Variants in FHIT observed in about 807,000 individuals in gnomAD.
FHIT encodes bis(5'-adenosyl)-triphosphatase.
FHIT carries 19 observed loss-of-function variants against 17.9 expected under a neutral mutation model. The ratio of observed to expected loss-of-function variants is 1.06; its 90% CI spans 0.74 to 1.56. The LOEUF is 1.56. Ranked by LOEUF, FHIT falls within the 40% of genes most tolerant of loss-of-function variation. FHIT has a pLI of 0.00. For synonymous variants in FHIT, 81 were observed against 69.7 expected (o/e 1.16, Z -0.81); for missense variants, 248 against 189.2 (o/e 1.31, Z -1.82).
At position 61,036,399 on chromosome 3, in the gene FHIT, A is replaced by G. The variant is rs144216326; in HGVS notation, c.-111+5648T>C. ...TCAACATGAGATTTGAGGAGACAAA[A>G]CATCCAAACTATATCACTAACCGAG... On this transcript the variant is annotated intron_variant, in intron 3 of 9. Transcript: ENST00000492590. Among the ~76,000 whole-genome samples the G allele has an allele frequency of 3.3e-4, 50 of 152,216 alleles. No individual in the cohort carries two copies. The East Asian group carries it at 9.7e-3, about 29-fold the overall frequency.
chr3:60,587,568 G>A (rs7640288), intron 4 of FHIT, among the ~76,000 whole-genome samples: 11 of 151,856 alleles, frequency 7.2e-5, no homozygotes, highest in Admixed American at 7.2e-4. Flanking sequence ...ATATTCACCG[G>A]GATAAAGAAA....
chr3:59,951,527 GCCTCAGCTA>G (rs1328533361), intron 7 of FHIT, among the ~76,000 whole-genome samples: 3 of 152,296 alleles, frequency 2.0e-5, no homozygotes, highest in South Asian at 2.1e-4. Flanking sequence ...AGTTTGCGAT[GCCTCAGCTA>G]CCTCTGTCCT....
chr3:60,728,271 T>A (rs1397685184), intron 4 of FHIT, among the ~76,000 whole-genome samples: 1 of 152,218 alleles, frequency 6.6e-6, no homozygotes, highest in Non-Finnish European at 1.5e-5. Flanking sequence ...TATCTTCTAC[T>A]CCAATAACCC....
intron 1 of FHIT, among the ~76,000 whole-genome samples, chr3:61,223,176 A>C (rs966247937): frequency 6.6e-6 from 1 of 152,178 alleles, no homozygotes; most frequent in African/African-American, 2.4e-5. Context: ...CTGACATTTA[A>C]ACTATTCTGC....
intron 5 of FHIT, among the ~76,000 whole-genome samples, chr3:60,145,841 C>T (rs1447060083): frequency 2.0e-5 from 3 of 152,180 alleles, no homozygotes; most frequent in Admixed American, 1.3e-4. Flanking sequence ...GTCACCACTG[C>T]TTCACAAAAC....
chr3:60,037,961 G>A (rs892634967), intron 5 of FHIT, among the ~76,000 whole-genome samples: 20 of 152,104 alleles, frequency 1.3e-4, no homozygotes, highest in Admixed American at 2.6e-4. Flanking sequence ...CAATCTGCCC[G>A]CCTCGGCCTC....
intron 2 of FHIT, among the ~76,000 whole-genome samples, chr3:61,045,822 A>G (rs1022687296): frequency 6.6e-6 from 1 of 152,242 alleles, no homozygotes. Context: ...ACTAGAAATC[A>G]TAATCAAGAA....
chr3:61,161,048 G>C (rs1320863406), intron 2 of FHIT, among the ~76,000 whole-genome samples: 1 of 151,652 alleles, frequency 6.6e-6, no homozygotes, highest in East Asian at 1.9e-4. Context: ...TACTATTAGA[G>C]GCCTGATTTA....
At chr3:60,438,447 A>G (rs895287628) in intron 5 of FHIT, among the ~76,000 whole-genome samples, 2 of 151,694 alleles carry the variant, frequency 1.3e-5, no homozygotes, top group Admixed American at 6.6e-5. Flanking sequence ...TTGCTGTCTC[A>G]TCCTTACAAG....
intron 5 of FHIT, among the ~76,000 whole-genome samples, chr3:60,132,304 T>C (rs932284180): frequency 2.0e-5 from 3 of 152,214 alleles, no homozygotes; most frequent in Admixed American, 6.5e-5. Context: ...CAGCTGGCCT[T>C]GCTGATAGAT....
intron 5 of FHIT, chr3:60,536,437 A>T (rs1315662018): frequency 6.4e-6 from 1 of 156,644 alleles, no homozygotes; most frequent in African/African-American, 2.4e-5. Context: ...TCAGTCTCAA[A>T]TCCTCACATA....
At chr3:60,232,686 T>TATCTCC (rs889345970) in intron 5 of FHIT, among the ~76,000 whole-genome samples, 6 of 152,176 alleles carry the variant, frequency 3.9e-5, no homozygotes, top group African/African-American at 7.2e-5. Context: ...GCTAAAATCT[T>TATCTCC]ATCTCCATCT....
intron 8 of FHIT, among the ~76,000 whole-genome samples, chr3:59,853,746 T>A (rs1017280053): frequency 6.6e-6 from 1 of 152,154 alleles, no homozygotes; most frequent in Admixed American, 6.5e-5. Flanking sequence ...GACACACACA[T>A]AGACACTTTC....
At chr3:59,882,774 T>C (rs1703463633) in intron 8 of FHIT, among the ~76,000 whole-genome samples, 1 of 152,234 alleles carries the variant, frequency 6.6e-6, no homozygotes, top group African/African-American at 2.4e-5. Context: ...CCATTGGTCC[T>C]GCTTTCCTAT....
chr3:61,047,737 C>G (rs1306276417), intron 2 of FHIT, among the ~76,000 whole-genome samples: 1 of 152,108 alleles, frequency 6.6e-6, no homozygotes, highest in African/African-American at 2.4e-5. Context: ...AACTATACCA[C>G]AAGGCTACCC....
At chr3:60,041,797 T>C (rs78951277) in intron 5 of FHIT, among the ~76,000 whole-genome samples, 1,661 of 152,326 alleles carry the variant, frequency 0.011, 24 homozygotes, top group African/African-American at 0.038. Flanking sequence ...TGCATTTGTT[T>C]TGGGACAAAG....
At chr3:59,907,387 T>C (rs1704632516) in intron 8 of FHIT, among the ~76,000 whole-genome samples, 1 of 152,230 alleles carries the variant, frequency 6.6e-6, no homozygotes, top group Non-Finnish European at 1.5e-5. Context: ...ATCTATTGCT[T>C]AGCAGTAGTC....
At chr3:60,987,686 C>T (rs563825011) in intron 3 of FHIT, among the ~76,000 whole-genome samples, 3 of 152,320 alleles carry the variant, frequency 2.0e-5, no homozygotes, top group Admixed American at 2.0e-4. Flanking sequence ...TAGGGTCTCC[C>T]TGACCAAGCT....
chr3:60,404,827 C>CAAG (rs1701791743), intron 5 of FHIT, among the ~76,000 whole-genome samples: 1 of 152,060 alleles, frequency 6.6e-6, no homozygotes, highest in South Asian at 2.1e-4. Context: ...CCTAACTCAC[C>CAAG]AAGACAGAAG....
Sources: gnomAD v4.1 joint callset for allele counts (sites outside exome capture counted in the v4.1 genomes callset) on GRCh38, gnomAD v4.1.1 for gene constraint, MANE v1.5 for transcripts, NCBI Gene and HGNC (gene_info 2026-07-23, HGNC 2026-07-21) for gene names.